CABP2: variants seen among roughly 807,000 people sequenced by gnomAD.
The protein encoded by CABP2 is calcium-binding protein 2.
A neutral mutation model predicts 28.6 loss-of-function variants in CABP2; 25 were observed. The ratio of observed to expected loss-of-function variants is 0.87; its 90% CI spans 0.64 to 1.22. The LOEUF is 1.22. Among genes scored for constraint, CABP2 ranks in the 50% most tolerant of loss-of-function variants. The pLI is 0.00. For missense variants in CABP2, 310 were observed against 312.2 expected (o/e 0.99, Z 0.05); for synonymous variants, 138 against 126.0 (o/e 1.09, Z -0.64).
At chr11:67,522,821 TG>T in intron 1 of CABP2, 105 bp from the exon 2 acceptor site, 1 of 1,090,522 alleles carries the variant, frequency 9.2e-7, no homozygotes, top group Non-Finnish European at 1.3e-6. Flanking sequence ...GAGCCCGGCA[TG>T]GGACAGTAGG....
intron 1 of CABP2, among the ~76,000 whole-genome samples, chr11:67,523,045 C>G (rs1223417592): frequency 1.3e-5 from 2 of 152,160 alleles, no homozygotes. Flanking sequence ...GACCTGCAGC[C>G]GGGATGGGGC....
intron 4 of CABP2, 74 bp downstream of exon 4, chr11:67,520,951 T>G: frequency 6.6e-7 from 1 of 1,510,966 alleles, no homozygotes; most frequent in East Asian, 2.3e-5. Context: ...CCTGTGTACC[T>G]GGACTGCTTG....
At position 67,523,307 on chromosome 11, in the gene CABP2, C is replaced by A. The variant is rs765011779; in HGVS notation, c.20G>T (p.Arg7Leu). ...TACCTTAGGGCCCCGGCGCCAGGGC[C>A]GCTTGGCACAGTTCCCCATGGGCCC... The part of the protein sequence containing the change: MGNCAK[R>L]PWRRGPKDPL... Residue 7 changes from arginine (R) to leucine (L), a missense_variant, in exon 1 of 7, where the codon CGG (arginine) becomes CTG (leucine). Coordinates refer to ENST00000294288, the MANE Select transcript of CABP2 (RefSeq NM_016366.3). 2 of 1,555,560 alleles carry A rather than the reference C, an allele frequency of 1.3e-6. No homozygotes were observed. Among genetic ancestry groups the A allele is most frequent in the African/African-American group, 1.4e-5 (1 of 73,382 alleles).
chr11:67,523,296 G>C lies in CABP2; in HGVS notation c.31C>G (p.Arg11Gly). The change falls in exon 1 of 7, where the codon CGG (arginine) becomes GGG (glycine). Residue 11 changes from arginine (R) to glycine (G), a missense_variant. Physicochemically the swap from Arg to Gly is moderately radical, Grantham distance 125. Coordinates refer to ENST00000294288, the MANE Select transcript of CABP2 (RefSeq NM_016366.3). MGNCAKRPWR[R>G]GPKDPLQWLG... ...CTGACCCCTCCTACCTTAGGGCCCC[G>C]GCGCCAGGGCCGCTTGGCACAGTTC... is the stretch of plus-strand genomic sequence containing the variant. 6.4e-7 allele frequency: 1 copy of C among 1,555,588 alleles called. No homozygotes were observed. The highest frequency in any genetic ancestry group is 8.7e-7 in the Non-Finnish European group (1 of 1,149,148).
At chr11:67,520,922 G>A (rs1866737400) in intron 4 of CABP2, 103 bp downstream of exon 4, 9 of 1,269,836 alleles carry the variant, frequency 7.1e-6, no homozygotes, top group Non-Finnish European at 1.0e-5. Flanking sequence ...ATGGGCTCTG[G>A]GGACAGCCTG....
intron 1 of CABP2, 131 bp from the exon 2 acceptor site, chr11:67,522,847 G>A: frequency 3.9e-6 from 3 of 777,436 alleles, no homozygotes; most frequent in Non-Finnish European, 4.0e-6. Flanking sequence ...GGGCTGGGGG[G>A]TAGAGAGAGG....
chr11:67,520,715 T>C (rs755597892), intron 4 of CABP2, among the ~76,000 whole-genome samples: 1 of 152,172 alleles, frequency 6.6e-6, no homozygotes, highest in African/African-American at 2.4e-5. Flanking sequence ...CTTGGAACTT[T>C]CCTTAATTTT....
intron 4 of CABP2, among the ~76,000 whole-genome samples, chr11:67,520,568 G>A (rs979140288): frequency 6.6e-6 from 1 of 152,166 alleles, no homozygotes; most frequent in African/African-American, 2.4e-5. Context: ...TGAGGCAGGA[G>A]AATTGCTTGA....
intron 6 of CABP2, among the ~76,000 whole-genome samples, 179 bp from the exon 7 acceptor site, chr11:67,519,343 GA>G (rs1007750811): frequency 6.6e-6 from 1 of 152,164 alleles, no homozygotes; most frequent in Non-Finnish European, 1.5e-5. Flanking sequence ...TCTTATGGGG[GA>G]AAAACAAACA....
Position 67,519,812 on chromosome 11 carries a change from G to A in CABP2, c.618C>T (p.Asp206=), listed in dbSNP as rs1484621190. 4 of 1,613,898 alleles carry A rather than the reference G, an allele frequency of 2.5e-6. No individual in the cohort carries two copies. The highest frequency in any genetic ancestry group is 1.7e-5 in the Admixed American group (1 of 60,000). The change falls in exon 6 of 7, where the codon GAC becomes GAT. Residue 206 remains aspartate, a synonymous_variant. Transcript: ENST00000294288. ...GGGTACCTTCGAAGTCGACCAGACC[G>A]TCCCCATTGAGGTCCACGTCCTGGA... ...EILQDVDLNG[D]GLVDFEEFVR...
chr11:67,522,609 C>T lies in CABP2; in HGVS notation c.150G>A (p.Val50=). Residue 50 remains valine, a synonymous_variant, in exon 2 of 7, where the codon GTG becomes GTA. Coordinates refer to ENST00000294288, the MANE Select transcript of CABP2 (RefSeq NM_016366.3). ...DPAPGVQGYS[V]LNSLVGPACI... ...AGGCAGGCCCCACCAGGCTGTTGAG[C>T]ACCGAGTAGCCCTGGACGCCTGGCG... 6.4e-7 allele frequency: 1 copy of T among 1,550,634 alleles called. No individual in the cohort carries two copies. Among genetic ancestry groups the T allele is most frequent in the Non-Finnish European group, 8.7e-7 (1 of 1,147,352 alleles).
rs765651554 is a variant in CABP2 at position 67,519,109 on chromosome 11, C to G, written c.*30G>C. ...GGGCAGAGGCTGTGGTCCTTGAGTC[C>G]TTTATGCTGCCTCCAGCTTCTGTAC... is the stretch of plus-strand genomic sequence containing the variant. On this transcript the variant is annotated 3_prime_UTR_variant, in exon 7 of 7. Transcript: ENST00000294288. 2.0e-5 allele frequency: 32 copies of G among 1,613,600 alleles called. No homozygotes were observed. Among genetic ancestry groups the G allele is most frequent in the Non-Finnish European group, 2.5e-5 (30 of 1,179,668 alleles).
intron 5 of CABP2, 50 bp from the exon 6 acceptor site, chr11:67,519,990 C>T (rs1460543709): frequency 3.1e-6 from 5 of 1,597,790 alleles, no homozygotes; most frequent in Non-Finnish European, 3.4e-6. Context: ...CATTCACACG[C>T]GCAGCCCCTC....
intron 3 of CABP2, 46 bp from the exon 4 acceptor site, chr11:67,521,205 C>A (rs1461537116): frequency 5.0e-6 from 8 of 1,589,934 alleles, no homozygotes; most frequent in South Asian, 1.1e-5. Flanking sequence ...ACCCCCTGAT[C>A]CTGGCCTGGA....
intron 5 of CABP2, 43 bp downstream of exon 5, chr11:67,520,002 CTCACGG>C: frequency 6.2e-7 from 1 of 1,600,368 alleles, no homozygotes; most frequent in Non-Finnish European, 8.5e-7. Context: ...CAGCCCCTCA[CTCACGG>C]CAGACACGCA....
chr11:67,521,864 C>T (rs1343858830), intron 3 of CABP2, 88 bp downstream of exon 3: 6 of 653,990 alleles, frequency 9.2e-6, no homozygotes, highest in African/African-American at 1.8e-5. Context: ...GAGGCCCCCA[C>T]CCGATGCCCC....
intron 2 of CABP2, among the ~76,000 whole-genome samples, chr11:67,522,242 G>A (rs929343280): frequency 2.0e-5 from 3 of 152,016 alleles, no homozygotes; most frequent in Non-Finnish European, 1.5e-5. Context: ...GGGGCAGGGG[G>A]CTCCCTTTGC....
At chr11:67,520,771 C>T (rs1307821695) in intron 4 of CABP2, among the ~76,000 whole-genome samples, 1 of 152,238 alleles carries the variant, frequency 6.6e-6, no homozygotes, top group African/African-American at 2.4e-5. Context: ...AAGGAACTTG[C>T]TGTGTGACCT....
At chr11:67,519,691 G>A in intron 6 of CABP2, 102 bp downstream of exon 6, 1 of 1,092,976 alleles carries the variant, frequency 9.1e-7, no homozygotes, top group Non-Finnish European at 1.4e-6. Context: ...ACATGGGAGT[G>A]CGTGGCACAG....
Sources: allele counts gnomAD v4.1 joint callset (sites outside exome capture counted in the v4.1 genomes callset), GRCh38; gene constraint gnomAD v4.1.1; transcripts MANE v1.5; gene names NCBI Gene and HGNC (gene_info 2026-07-23, HGNC 2026-07-21).